The following BAIAP3 variants were observed in gnomAD, a reference collection of about 807,000 sequenced individuals.
The protein encoded by BAIAP3 is BAI1 associated protein 3.
In BAIAP3, 180 loss-of-function variants were observed where a neutral mutation model predicts 149.7. The ratio of observed to expected loss-of-function variants is 1.20; its 90% CI spans 1.07 to 1.36. The LOEUF is 1.36. Among genes scored for constraint, BAIAP3 ranks in the 40% most tolerant of loss-of-function variants. BAIAP3 has a pLI of 0.00. For synonymous variants in BAIAP3, 845 were observed against 670.7 expected, an observed-to-expected ratio of 1.26 and a Z score of -4.02; for missense variants, 1,767 against 1,563.4, an observed-to-expected ratio of 1.13 and a Z score of -2.20.
At chr16:1,339,014 G>C (rs548032708) in intron 3 of BAIAP3, 25 bp downstream of exon 3, 1 of 1,611,918 alleles carries the variant, frequency 6.2e-7, no homozygotes, top group Admixed American at 1.7e-5. Flanking sequence ...CCCAGGGCCC[G>C]ATACCACAGC....
rs1328279162 is a variant in BAIAP3 at position 1,339,252 on chromosome 16, TG to T, written c.300+13del. 1.9e-6 allele frequency: 3 copies of T among 1,558,482 alleles called. No homozygotes were observed. Among genetic ancestry groups the T allele is most frequent in the South Asian group, 2.4e-5 (2 of 84,928 alleles). On this transcript the variant is annotated intron_variant, in intron 4 of 33. Transcript: ENST00000426824. Reference sequence around the variant, plus strand: ...GCCCTGGCCCCAGAGGAGGTAAAGGTGGGGGTCGGAACCAGGGGCAGTCGTC... The same window carrying T: ...GCCCTGGCCCCAGAGGAGGTAAAGGTGGGGTCGGAACCAGGGGCAGTCGTC...
rs1279314042 is a variant in BAIAP3, at chr16:1,342,808, A to G, written c.1155A>G (p.Ala385=). 1 of 1,612,708 alleles carries G rather than the reference A, an allele frequency of 6.2e-7. No homozygotes were observed. The highest frequency in any genetic ancestry group is 8.5e-7 in the Non-Finnish European group (1 of 1,179,990). Residue 385 remains alanine, a synonymous_variant, in exon 13 of 34, where the codon GCA becomes GCG. Transcript: ENST00000426824. Reference sequence around the variant, plus strand: ...ATCTGCTGCGGTTGGAGCACTCAGCAGAGGAGGTAGTGGGTGCGCCTAGGA... The same window carrying G: ...ATCTGCTGCGGTTGGAGCACTCAGCGGAGGAGGTAGTGGGTGCGCCTAGGA... ...LSHLLRLEHS[A]EEPNSSSWRG...
chr16:1,346,405 G>T, intron 25 of BAIAP3, 37 bp from the exon 26 acceptor site: 1 of 1,611,674 alleles, frequency 6.2e-7, no homozygotes, highest in Non-Finnish European at 8.5e-7. Flanking sequence ...AGTCCCTGGT[G>T]CCCCCTGCCC....
intron 20 of BAIAP3, 51 bp from the exon 21 acceptor site, chr16:1,344,918 C>A: frequency 6.2e-7 from 1 of 1,613,526 alleles, no homozygotes; most frequent in Non-Finnish European, 8.5e-7. Flanking sequence ...TTGGCTAGGA[C>A]GGTCCTGGGA....
Position 1,339,598 on chromosome 16 carries a change from C to T in BAIAP3, c.403C>T (p.Gln135Ter). 1 of 1,610,868 alleles carries T rather than the reference C, an allele frequency of 6.2e-7. No homozygotes were observed. Among genetic ancestry groups the T allele is most frequent in the Non-Finnish European group, 8.5e-7 (1 of 1,179,114 alleles). ...CGAGGAGGCCCTGCTCAGCTATCTC[C>T]AGCAGGTCAGCCCACCCTGACCCCG... ...DDEEALLSYLQQVFGTSLEEH... is the reference protein window; with the variant it reads ...DDEEALLSYL The change falls in exon 5 of 34, where the codon CAG (glutamine) becomes TAG (stop). Residue 135 changes from glutamine to a stop codon, truncating the protein, a stop_gained. Coordinates refer to ENST00000426824, the MANE Select transcript of BAIAP3 (RefSeq NM_001199097.2). LOFTEE classifies it high-confidence loss of function.
At position 1,342,715 on chromosome 16, in the gene BAIAP3, G is replaced by A. The variant is rs534382484; in HGVS notation, c.1066-4G>A. 1.2e-6 allele frequency: 2 copies of A among 1,612,326 alleles called. No individual in the cohort carries two copies. Among genetic ancestry groups the A allele is most frequent in the Non-Finnish European group, 1.7e-6 (2 of 1,179,968 alleles). On this transcript the variant is annotated splice_region_variant and splice_polypyrimidine_tract_variant and intron_variant, in intron 12 of 33. Coordinates refer to ENST00000426824, the MANE Select transcript of BAIAP3 (RefSeq NM_001199097.2). Reference sequence around the variant, plus strand: ...CTGGTGACTGGGTGGGCTCTGCGTTGCAGAGGGATACGGCCATGAGCCAGC... The same window carrying A: ...CTGGTGACTGGGTGGGCTCTGCGTTACAGAGGGATACGGCCATGAGCCAGC...
At position 1,341,839 on chromosome 16, in the gene BAIAP3, G is replaced by A; in HGVS notation, c.749G>A (p.Ser250Asn). Reference sequence around the variant, plus strand: ...CCTTGTAGCGAGATTGAGGATGTGAGCACGGACCAGCTGCACCTGGACATC... The same window carrying A: ...CCTTGTAGCGAGATTGAGGATGTGAACACGGACCAGCTGCACCTGGACATC... ...EHFLFEIEDV[S>N]TDQLHLDIWD... The change falls in exon 9 of 34, where the codon AGC becomes AAC. Residue 250 changes from serine (S) to asparagine (N), a missense_variant. Physicochemically the swap from Ser to Asn is conservative, Grantham distance 46. Coordinates refer to ENST00000426824, the MANE Select transcript of BAIAP3 (RefSeq NM_001199097.2). 6.2e-7 allele frequency: 1 copy of A among 1,612,456 alleles called. No individual in the cohort carries two copies. Among genetic ancestry groups the A allele is most frequent in the Admixed American group, 1.7e-5 (1 of 59,952 alleles).
rs761456098 is a variant in BAIAP3 at position 1,341,285 on chromosome 16, C to T, written c.536-9C>T. The T allele has an allele frequency of 1.5e-5, 24 of 1,606,802 alleles. No homozygotes were observed. The highest frequency in any genetic ancestry group is 6.6e-5 in the South Asian group (6 of 90,830). ...GTGGGGCCAGGGCTGAGACGCCTGC[C>T]GTGCCCAGGCTTCAGCGACCCATAC... is the stretch of plus-strand genomic sequence containing the variant. On this transcript the variant is annotated splice_polypyrimidine_tract_variant and intron_variant, in intron 7 of 33. Coordinates refer to ENST00000426824, the MANE Select transcript of BAIAP3 (RefSeq NM_001199097.2).
intron 1 of BAIAP3, chr16:1,334,375 T>C: frequency 2.2e-6 from 1 of 449,566 alleles, no homozygotes. Context: ...GCCCGCCCCC[T>C]CCGAGGGGAG....
rs760353329 is a variant in BAIAP3, at chr16:1,344,657, C to T, written c.1716C>T (p.Asp572=). 1.2e-5 allele frequency: 19 copies of T among 1,613,392 alleles called. No individual in the cohort carries two copies. Among genetic ancestry groups the T allele is most frequent in the South Asian group, 8.8e-5 (8 of 91,090 alleles). ...TGCTGGCTGACGCCGTCTATGATGA[C>T]CTTCAGTTCTGCTACAGTGTGTACG... ...LVVLADAVYD[D]LQFCYSVYAS... is the part of the protein sequence containing the mutation. Residue 572 remains aspartate (D), a synonymous_variant, in exon 19 of 34, where the codon GAC becomes GAT. Coordinates refer to ENST00000426824, the MANE Select transcript of BAIAP3 (RefSeq NM_001199097.2).
intron 5 of BAIAP3, 66 bp downstream of exon 5, chr16:1,339,669 C>T (rs2033722806): frequency 8.0e-7 from 1 of 1,249,122 alleles, no homozygotes; most frequent in South Asian, 1.3e-5. Flanking sequence ...TCCCCACCCA[C>T]TGACACCATC....
In BAIAP3 at chr16:1,344,456, G is replaced by T. The variant is rs773460677; in HGVS notation, c.1603-13G>T. The stretch of plus-strand genomic sequence containing the variant: ...TGCAATCCACCATGCTGTCTTGGTG[G>T]TGTCTGTTGCAGAGAGGCAACCGTG... On this transcript the variant is annotated splice_polypyrimidine_tract_variant and intron_variant, in intron 17 of 33. Transcript: ENST00000426824. The T allele has an allele frequency of 1.9e-6, 3 of 1,613,454 alleles. No homozygotes were observed. Among genetic ancestry groups the T allele is most frequent in the Admixed American group, 1.7e-5 (1 of 60,012 alleles).
chr16:1,343,392 G>A lies in BAIAP3; in HGVS notation c.1266-1G>A, dbSNP rs1258843689. On this transcript the variant is annotated splice_acceptor_variant, in intron 14 of 33. Transcript: ENST00000426824. LOFTEE classifies it high-confidence loss of function. ...CTTTGACCATGGGCCGGGCCCCACA[G>A]GCACTGGCAGGTCAGCAGCCGCCAC... The A allele has an allele frequency of 6.4e-7, 1 of 1,570,586 alleles. No individual in the cohort carries two copies. The highest frequency in any genetic ancestry group is 1.9e-5 in the Admixed American group (1 of 53,662).
chr16:1,339,635 G>T, intron 5 of BAIAP3, 32 bp downstream of exon 5: 1 of 1,557,598 alleles, frequency 6.4e-7, no homozygotes, highest in South Asian at 1.1e-5. Flanking sequence ...CCCAGACCCT[G>T]ACAGCTTCCC....
intron 15 of BAIAP3, 120 bp from the exon 16 acceptor site, chr16:1,343,902 C>A: frequency 6.7e-7 from 1 of 1,488,570 alleles, no homozygotes; most frequent in Non-Finnish European, 9.1e-7. Flanking sequence ...GGGTGCTGCT[C>A]AGAGCAGAGC....
rs1469538908 is a variant in BAIAP3, at chr16:1,345,759, G to C, written c.2077G>C (p.Asp693His). 2.6e-6 allele frequency: 4 copies of C among 1,545,228 alleles called. No individual in the cohort carries two copies. The highest frequency in any genetic ancestry group is 3.5e-6 in the Non-Finnish European group (4 of 1,152,964). The change falls in exon 23 of 34, where the codon GAC becomes CAC. Residue 693 changes from aspartate (D) to histidine (H), a missense_variant. By Grantham distance (81) the Asp-to-His change is moderately conservative (BLOSUM62 -1). Transcript: ENST00000426824. ...AVDMDTLEPV[D>H]ASSRHSSSAA... is the part of the protein sequence containing the mutation. Reference sequence around the variant, plus strand: ...CCTGCCTCCCTAGCTGGAGCCCGTGGACGCCTCCTCCAGGCACAGCAGCTC... The same window carrying C: ...CCTGCCTCCCTAGCTGGAGCCCGTGCACGCCTCCTCCAGGCACAGCAGCTC...
At chr16:1,347,394 G>A (rs371718359) in intron 29 of BAIAP3, 25 bp downstream of exon 29, 57 of 1,610,928 alleles carry the variant, frequency 3.5e-5, no homozygotes, top group African/African-American at 2.8e-4. Context: ...TCTGTGGGGC[G>A]GGGGTGTGGA....
At position 1,344,804 on chromosome 16, in the gene BAIAP3, C is replaced by G. The variant is rs2034199268; in HGVS notation, c.1764C>G (p.Leu588=). The G allele has an allele frequency of 6.2e-7, 1 of 1,613,740 alleles. No homozygotes were observed. The highest frequency in any genetic ancestry group is 1.1e-5 in the South Asian group (1 of 91,094). The stretch of plus-strand genomic sequence containing the variant: ...TGTGTCCCTTGCTCTGCAGCATCCT[C>G]AATGTGGACGTCTTCACCCTGACCT... ...SVYASLFHSI[L]NVDVFTLTFR... is the part of the protein sequence containing the mutation. The change falls in exon 20 of 34, where the codon CTC becomes CTG. Residue 588 remains leucine, a synonymous_variant. Coordinates refer to ENST00000426824, the MANE Select transcript of BAIAP3 (RefSeq NM_001199097.2).
In BAIAP3 at chr16:1,348,136, GTGT is replaced by G. The variant is rs2034517313; in HGVS notation, c.3195_3197del (p.Leu1065del). On this transcript the variant is annotated inframe_deletion, in exon 33 of 34. Coordinates refer to ENST00000426824, the MANE Select transcript of BAIAP3 (RefSeq NM_001199097.2). ...GGCGTGCCGCCGCCGCGCGGCCTGT[GTGT>G]TGTTCACCGTCATGGACCACGACTG... The G allele has an allele frequency of 1.2e-6, 2 of 1,606,868 alleles. No homozygotes were observed. The highest frequency in any genetic ancestry group is 1.7e-6 in the Non-Finnish European group (2 of 1,179,728).
Sources: gnomAD v4.1 joint callset for allele counts on GRCh38, gnomAD v4.1.1 for gene constraint, MANE v1.5 for transcripts, NCBI Gene and HGNC (gene_info 2026-07-23, HGNC 2026-07-21) for gene names.